Variants in SERPINB2 observed in about 807,000 individuals in gnomAD.
SERPINB2 encodes serpin family B member 2.
Under a neutral mutation model 39.4 loss-of-function variants are expected in SERPINB2, and 28 were observed. That is an observed-to-expected ratio of 0.71 (90% CI 0.53 to 0.97). The LOEUF (loss-of-function observed/expected upper bound fraction) is 0.97, where lower values mean the gene tolerates loss of function less well. Among genes scored for constraint, SERPINB2 ranks in the 50% least tolerant of loss-of-function variants. SERPINB2 has a pLI of 0.00. For missense variants in SERPINB2, 557 were observed against 505.3 expected, an observed-to-expected ratio of 1.10 and a Z score of -0.98; for synonymous variants, 209 against 175.1, an observed-to-expected ratio of 1.19 and a Z score of -1.53.
rs1387556948 is a variant in SERPINB2, at chr18:63,901,818, A to G, written c.614A>G (p.Lys205Arg). Residue 205 changes from lysine to arginine, a missense_variant, in exon 6 of 8, where the codon AAA becomes AGA. By Grantham distance (26) the Lys-to-Arg change is conservative (BLOSUM62 2). Transcript: ENST00000299502. Reference sequence around the variant, plus strand: ...GTCCTGGTGAATGCTGTCTACTTCAAAGGAAAGTGGAAAACTCCATTTGAG... The same window carrying G: ...GTCCTGGTGAATGCTGTCTACTTCAGAGGAAAGTGGAAAACTCCATTTGAG... ...RMVLVNAVYF[K>R]GKWKTPFEKK... The G allele has an allele frequency of 6.2e-7, 1 of 1,604,052 alleles. No individual in the cohort carries two copies. Among genetic ancestry groups the G allele is most frequent in the Admixed American group, 1.8e-5 (1 of 57,106 alleles).
intron 1 of SERPINB2, 28 bp from the exon 2 acceptor site, chr18:63,891,408 G>A (rs554676673): frequency 6.2e-7 from 1 of 1,611,898 alleles, no homozygotes; most frequent in Admixed American, 1.7e-5. Context: ...TTTCAGAGCT[G>A]TTTTTTTCTT....
intron 2 of SERPINB2, 106 bp from the exon 3 acceptor site, chr18:63,895,158 A>C: frequency 7.6e-7 from 1 of 1,315,270 alleles, no homozygotes; most frequent in Non-Finnish European, 1.1e-6. Flanking sequence ...GTATAAGGGA[A>C]GGGAAAAGAT....
At position 63,891,567 on chromosome 18, in the gene SERPINB2, G is replaced by A. The variant is rs1244949143; in HGVS notation, c.123G>A (p.Met41Ile). ...SPWSISSTMA[M>I]VYMGSRGSTE... Reference sequence around the variant, plus strand: ...GGAGCATCTCGTCCACCATGGCCATGGTCTACATGGGCTCCAGGGGCAGCA... The same window carrying A: ...GGAGCATCTCGTCCACCATGGCCATAGTCTACATGGGCTCCAGGGGCAGCA... The change falls in exon 2 of 8, where the codon ATG (methionine) becomes ATA (isoleucine). Residue 41 changes from methionine (M) to isoleucine (I), a missense_variant. Transcript: ENST00000299502. 6.2e-7 allele frequency: 1 copy of A among 1,614,090 alleles called. No homozygotes were observed. Among genetic ancestry groups the A allele is most frequent in the Non-Finnish European group, 8.5e-7 (1 of 1,179,976 alleles).
At position 63,895,244 on chromosome 18, in the gene SERPINB2, TTC is replaced by T. The variant is rs767454836; in HGVS notation, c.169-16_169-15del. ...AAATCCGTGGGCAAGTGTAACCGTTTTCTCTAATTCTGATTGCAGGTGCTTCA... is the reference window on the plus strand; with the variant it reads ...AAATCCGTGGGCAAGTGTAACCGTTTTCTAATTCTGATTGCAGGTGCTTCA... On this transcript the variant is annotated intron_variant, in intron 2 of 7. Transcript: ENST00000299502. The T allele has an allele frequency of 6.2e-7, 1 of 1,610,188 alleles. No individual in the cohort carries two copies. The highest frequency in any genetic ancestry group is 2.2e-5 in the East Asian group (1 of 44,836).
chr18:63,901,198 A>G (rs2049988864), intron 5 of SERPINB2, among the ~76,000 whole-genome samples: 1 of 152,132 alleles, frequency 6.6e-6, no homozygotes, highest in Non-Finnish European at 1.5e-5. Flanking sequence ...GGGTTTCACA[A>G]CTGATTTTGA....
intron 7 of SERPINB2, 68 bp from the exon 8 acceptor site, chr18:63,902,833 G>A (rs1045417407): frequency 2.5e-5 from 36 of 1,424,042 alleles, no homozygotes; most frequent in Middle Eastern, 2.1e-4. Context: ...TAGACTTAAA[G>A]TTGTTTTCCT....
At chr18:63,893,942 C>CA (rs2049942880) in intron 2 of SERPINB2, among the ~76,000 whole-genome samples, 1 of 152,140 alleles carries the variant, frequency 6.6e-6, no homozygotes, top group South Asian at 2.1e-4. Flanking sequence ...AGAAGTGGTA[C>CA]ATTTGTAGTG....
At position 63,895,277 on chromosome 18, in the gene SERPINB2, A is replaced by T. The variant is rs1158334672; in HGVS notation, c.182A>T (p.Asn61Ile). 1 of 1,613,826 alleles carries T rather than the reference A, an allele frequency of 6.2e-7. No homozygotes were observed. The highest frequency in any genetic ancestry group is 1.3e-5 in the African/African-American group (1 of 74,912). The change falls in exon 3 of 8, where the codon AAT becomes ATT. Residue 61 changes from asparagine (N) to isoleucine (I), a missense_variant. Transcript: ENST00000299502. The stretch of plus-strand genomic sequence containing the variant: ...TTCTGATTGCAGGTGCTTCAGTTTA[A>T]TGAAGTGGGAGCCAATGCAGTTACC... Reference protein sequence around the residue: ...EDQMAKVLQFNEVGANAVTPM... With the variant: ...EDQMAKVLQFIEVGANAVTPM...
chr18:63,891,735 A>G, intron 2 of SERPINB2, 123 bp downstream of exon 2: 1 of 939,136 alleles, frequency 1.1e-6, no homozygotes, highest in Non-Finnish European at 1.5e-6. Flanking sequence ...CAGGTAATGA[A>G]GCACTGATCC....
At chr18:63,895,841 A>G (rs4941230) in intron 3 of SERPINB2, among the ~76,000 whole-genome samples, 21,766 of 152,218 alleles carry the variant, frequency 0.14, 1,974 homozygotes, top group Non-Finnish European at 0.19. Context: ...ATCATCTATC[A>G]TTGATCTCTC....
In SERPINB2 at chr18:63,897,231, C is replaced by G; in HGVS notation, c.417+12C>G. On this transcript the variant is annotated intron_variant, in intron 4 of 7. Transcript: ENST00000299502. ...CGAGCTTCCGGGAAGTAAGTGAAAC[C>G]TGTAATTGAAATGGCTGGATCCCAA... 13 of 1,605,824 alleles carry G rather than the reference C, an allele frequency of 8.1e-6. No homozygotes were observed. Among genetic ancestry groups the G allele is most frequent in the Non-Finnish European group, 1.1e-5 (13 of 1,176,252 alleles).
intron 5 of SERPINB2, among the ~76,000 whole-genome samples, chr18:63,899,653 T>A: frequency 6.6e-6 from 1 of 152,222 alleles, no homozygotes; most frequent in East Asian, 1.9e-4. Flanking sequence ...AAGATCCCAC[T>A]GGTAGCGGTA....
In SERPINB2 at chr18:63,902,449, A is replaced by G. The variant is rs1375944677; in HGVS notation, c.724A>G (p.Asn242Asp). The change falls in exon 7 of 8, where the codon AAC becomes GAC. Residue 242 changes from asparagine (N) to aspartate (D), a missense_variant. Physicochemically the swap from Asn to Asp is conservative, Grantham distance 23. Coordinates refer to ENST00000299502, the MANE Select transcript of SERPINB2 (RefSeq NM_002575.3). ...VQMMYLREKL[N>D]IGYIEDLKAQ... ...GATGATGTACTTGCGTGAAAAGCTA[A>G]ACATTGGATACATAGAAGACCTAAA... 8 of 1,613,512 alleles carry G rather than the reference A, an allele frequency of 5.0e-6. No individual in the cohort carries two copies. Among genetic ancestry groups the G allele is most frequent in the South Asian group, 1.1e-5 (1 of 91,052 alleles).
chr18:63,891,731 A>G (rs913356921), intron 2 of SERPINB2, 119 bp downstream of exon 2: 2 of 971,262 alleles, frequency 2.1e-6, no homozygotes, highest in Non-Finnish European at 3.0e-6. Context: ...ATCACAGGTA[A>G]TGAAGCACTG....
At chr18:63,895,437 T>C in intron 3 of SERPINB2, 54 bp downstream of exon 3, 5 of 1,611,066 alleles carry the variant, frequency 3.1e-6, no homozygotes, top group Non-Finnish European at 3.4e-6. Context: ...GCAATCTTCC[T>C]GTCTTAAAGC....
In SERPINB2 at chr18:63,903,585, T is replaced by C. The variant is rs2050008784; in HGVS notation, c.*280T>C. On this transcript the variant is annotated 3_prime_UTR_variant, in exon 8 of 8. Transcript: ENST00000299502. The stretch of plus-strand genomic sequence containing the variant: ...TATAACATTAACTTTTACTTTGTTA[T>C]TTATTATTTTATATAATGGTGAGTT... The C allele has an allele frequency of 1.0e-5, 2 of 199,546 alleles. No individual in the cohort carries two copies. Among genetic ancestry groups the C allele is most frequent in the Non-Finnish European group, 2.0e-5 (2 of 100,408 alleles). The allele number at this position is 199,546 out of a possible 1,614,324, so 12.4% of individuals were successfully genotyped here. A position where few individuals can be genotyped will look rare whatever the true frequency, so the allele number is the denominator to read the frequency against.
chr18:63,898,644 G>T (rs1599062517), intron 5 of SERPINB2, among the ~76,000 whole-genome samples: 1 of 152,144 alleles, frequency 6.6e-6, no homozygotes, highest in Non-Finnish European at 1.5e-5. Context: ...AGTCATGTTG[G>T]CAATTGCTAT....
chr18:63,890,075 A>G (rs2049916014), intron 1 of SERPINB2: 1 of 152,252 alleles, frequency 6.6e-6, no homozygotes, highest in African/African-American at 2.4e-5. Flanking sequence ...AGATTCTGCA[A>G]AGATTAAACG....
At chr18:63,897,894 GATCT>G (rs1427674906) in intron 5 of SERPINB2, 50 bp downstream of exon 5, 1 of 1,272,130 alleles carries the variant, frequency 7.9e-7, no homozygotes. Context: ...AGAAAACTCT[GATCT>G]ATCTTTTTCC....
Sources: allele counts gnomAD v4.1 joint callset (sites outside exome capture counted in the v4.1 genomes callset), GRCh38; gene constraint gnomAD v4.1.1; transcripts MANE v1.5; gene names NCBI Gene and HGNC (gene_info 2026-07-23, HGNC 2026-07-21).